The following INTS3 variants were observed in gnomAD, a reference collection of about 807,000 sequenced individuals.
INTS3 encodes SOSS complex subunit A.
A neutral mutation model predicts 146.3 loss-of-function variants in INTS3; 34 were observed. That is an observed-to-expected ratio of 0.23 (90% confidence interval 0.18 to 0.31). INTS3 has a LOEUF of 0.31. Among genes scored for constraint, INTS3 ranks in the 10% least tolerant of loss-of-function variants. INTS3 has a pLI of 1.00. For synonymous variants in INTS3, 475 were observed against 494.9 expected, an observed-to-expected ratio of 0.96 and a Z score of 0.53; for missense variants, 757 against 1,304.2, an observed-to-expected ratio of 0.58 and a Z score of 6.46.
At position 153,757,553 on chromosome 1, in the gene INTS3, T is replaced by C. The variant is rs1444126589; in HGVS notation, c.958-19T>C. 3 of 1,610,466 alleles carry C rather than the reference T, an allele frequency of 1.9e-6. No homozygotes were observed. The highest frequency in any genetic ancestry group is 2.5e-6 in the Non-Finnish European group (3 of 1,176,902). ...CACACTGTCTTCTAAGGTCTTTTTC[T>C]TGCTTCCCCTTTCCCCAGGTGCGAT... On this transcript the variant is annotated intron_variant, in intron 9 of 29. Transcript: ENST00000318967. This position sits in a 1 kb window ranked among gnomAD's most constrained non-coding sequence, Gnocchi z 4.0.
chr1:153,754,820 G>A, intron 9 of INTS3, 81 bp downstream of exon 9: 3 of 894,018 alleles, frequency 3.4e-6, no homozygotes, highest in Non-Finnish European at 1.9e-6. Flanking sequence ...TGTTACCATT[G>A]TTTACTAACC....
rs762947254 is a variant in INTS3, at chr1:153,769,012, G to GACAT, written c.2313+53_2313+56dup. ...AGAAGATCTGGGAGGCAGCATTAGG[G>GACAT]ACATAGGGCCTCTGCTCTCCCTCCA... On this transcript the variant is annotated intron_variant, in intron 22 of 29. Transcript: ENST00000318967. 4.2e-6 allele frequency: 6 copies of GACAT among 1,424,246 alleles called. No homozygotes were observed. In the South Asian group the frequency reaches 6.9e-5, roughly 16 times the overall value. The allele number at this position is 1,424,246 out of a possible 1,614,324, so 88.2% of individuals were successfully genotyped here. A position where few individuals can be genotyped will look rare whatever the true frequency, so the allele number is the denominator to read the frequency against.
In INTS3 at chr1:153,772,838, G is replaced by C. The variant is rs889635796; in HGVS notation, c.2895-87G>C. The C allele has an allele frequency of 3.8e-6, 6 of 1,594,236 alleles. No individual in the cohort carries two copies. Among genetic ancestry groups the C allele is most frequent in the Non-Finnish European group, 2.6e-6 (3 of 1,166,836 alleles). ...GGGTCCAGGGTTGAAGAAAAAGAAG[G>C]CCTAGGCCTGGGGGCAGAGAAGAGG... On this transcript the variant is annotated intron_variant, in intron 28 of 29. Coordinates refer to ENST00000318967, the MANE Select transcript of INTS3 (RefSeq NM_023015.5). This position sits in a 1 kb window ranked among gnomAD's most constrained non-coding sequence, Gnocchi z 4.6.
In INTS3 at chr1:153,773,635, A is replaced by C. The variant is rs768028532; in HGVS notation, c.*365A>C. On this transcript the variant is annotated 3_prime_UTR_variant, in exon 30 of 30. Transcript: ENST00000318967. ...CATTTCAACAGAGAAGGGAAATGAC[A>C]AAGGGGCAGCTGGCCAGATAAGCTA... The C allele has an allele frequency of 1.5e-5, 5 of 338,424 alleles. No individual in the cohort carries two copies. Among genetic ancestry groups the C allele is most frequent in the Admixed American group, 4.4e-5 (1 of 22,678 alleles). The allele number at this position is 338,424 out of a possible 1,614,324, so 21.0% of individuals were successfully genotyped here.
intron 1 of INTS3, among the ~76,000 whole-genome samples, chr1:153,739,890 G>A (rs1671456995): frequency 6.6e-6 from 1 of 151,544 alleles, no homozygotes. Flanking sequence ...TGCCTCCCGG[G>A]TTCAAGCAAT....
Position 153,754,862 on chromosome 1 carries a change from T to C in INTS3, c.957+123T>C, listed in dbSNP as rs1402457447. 3 of 705,340 alleles carry C rather than the reference T, an allele frequency of 4.3e-6. No homozygotes were observed. The South Asian group carries it at 4.8e-5, about 11-fold the overall frequency. The allele number at this position is 705,340 out of a possible 1,614,324, so 43.7% of individuals were successfully genotyped here. A position where few individuals can be genotyped will look rare whatever the true frequency, so the allele number is the denominator to read the frequency against. Reference sequence around the variant, plus strand: ...ATGGTGGCTAAATGATCGTACCTGATCTACCTGGCTACTGGCTTCTTTGTC... The same window carrying C: ...ATGGTGGCTAAATGATCGTACCTGACCTACCTGGCTACTGGCTTCTTTGTC... On this transcript the variant is annotated intron_variant, in intron 9 of 29. Transcript: ENST00000318967.
chr1:153,764,190 G>C lies in INTS3; in HGVS notation c.1894G>C (p.Gly632Arg). The stretch of plus-strand genomic sequence containing the variant: ...GGAGCTCTTCAAGGCCCACTTTCGA[G>C]GGGAGGTCCTGCCTGAGGAGATTAC... ...LQELFKAHFR[G>R]EVLPEEITEE... is the part of the protein sequence containing the mutation. Residue 632 changes from glycine (G) to arginine (R), a missense_variant, in exon 18 of 30, where the codon GGG (glycine) becomes CGG (arginine). This residue lies in a region of INTS3 where 89 missense variants were observed against 210.9 expected (regional missense o/e 0.42). Transcript: ENST00000318967. 6.2e-7 allele frequency: 1 copy of C among 1,613,926 alleles called. No individual in the cohort carries two copies. Among genetic ancestry groups the C allele is most frequent in the East Asian group, 2.2e-5 (1 of 44,894 alleles).
chr1:153,772,473 C>CGGT lies in INTS3; in HGVS notation c.2821+35_2821+37dup. On this transcript the variant is annotated intron_variant, in intron 27 of 29. Coordinates refer to ENST00000318967, the MANE Select transcript of INTS3 (RefSeq NM_023015.5). This position sits in a 1 kb window ranked among gnomAD's most constrained non-coding sequence, Gnocchi z 4.6. The stretch of plus-strand genomic sequence containing the variant: ...TTCCACCCTCGGCGTCCAGTGTAGA[C>CGGT]GGTGCTGCCCTGGCCCAGACTATGC... 3 of 1,613,934 alleles carry CGGT rather than the reference C, an allele frequency of 1.9e-6. No individual in the cohort carries two copies. The highest frequency in any genetic ancestry group is 2.5e-6 in the Non-Finnish European group (3 of 1,179,970).
In INTS3 at chr1:153,770,329, T is replaced by G; in HGVS notation, c.2503+18T>G. 7.0e-7 allele frequency: 1 copy of G among 1,435,506 alleles called. No homozygotes were observed. The highest frequency in any genetic ancestry group is 9.8e-7 in the Non-Finnish European group (1 of 1,017,124). 88.9% of individuals were successfully genotyped at this position (1,435,506 alleles called of 1,614,324 possible). On this transcript the variant is annotated intron_variant, in intron 24 of 29. Coordinates refer to ENST00000318967, the MANE Select transcript of INTS3 (RefSeq NM_023015.5). The stretch of plus-strand genomic sequence containing the variant: ...ATACAAGGGTGAGTAGGCTTTTGGG[T>G]AGGGAGCACATCAGATATGACACTT...
At chr1:153,742,155 T>A (rs1371354178) in intron 3 of INTS3, among the ~76,000 whole-genome samples, 1 of 152,172 alleles carries the variant, frequency 6.6e-6, no homozygotes, top group Non-Finnish European at 1.5e-5. Flanking sequence ...GGGAAACTGA[T>A]CTGTTTGTAC....
Position 153,773,742 on chromosome 1 carries a change from T to C in INTS3, c.*472T>C, listed in dbSNP as rs1673009673. 5.2e-6 allele frequency: 1 copy of C among 190,538 alleles called. No individual in the cohort carries two copies. Among genetic ancestry groups the C allele is most frequent in the African/African-American group, 2.4e-5 (1 of 42,278 alleles). 11.8% of individuals were successfully genotyped at this position (190,538 alleles called of 1,614,324 possible). A position where few individuals can be genotyped will look rare whatever the true frequency, so the allele number is the denominator to read the frequency against. ...TGGTTTGTTCTGAAGGGACGTTTTA[T>C]AGTCACTATCCACATGCCAGTGTGA... On this transcript the variant is annotated 3_prime_UTR_variant, in exon 30 of 30. Transcript: ENST00000318967.
chr1:153,769,663 C>T (rs1375914733), intron 22 of INTS3, 106 bp from the exon 23 acceptor site: 6 of 705,402 alleles, frequency 8.5e-6, no homozygotes, highest in Admixed American at 7.1e-5. Context: ...TTCACTTCCT[C>T]TAATTTTTTT....
At chr1:153,746,886 G>A (rs1671767331) in intron 3 of INTS3, 71 bp from the exon 4 acceptor site, 1 of 837,534 alleles carries the variant, frequency 1.2e-6, no homozygotes, top group Admixed American at 2.0e-5. Context: ...AGAGGGCAAG[G>A]GGTCCACTGT....
intron 18 of INTS3, 141 bp downstream of exon 18, chr1:153,764,362 A>G: frequency 1.5e-6 from 1 of 656,372 alleles, no homozygotes; most frequent in Middle Eastern, 2.5e-4. Context: ...CAACTCATTT[A>G]AACAAGAGCT....
chr1:153,756,897 C>T (rs562441366), intron 9 of INTS3, among the ~76,000 whole-genome samples: 1 of 152,246 alleles, frequency 6.6e-6, no homozygotes, highest in Admixed American at 6.5e-5. Context: ...CCATCATTGC[C>T]GAAAGTTCTG....
chr1:153,736,009 G>C (rs1336218731), intron 1 of INTS3, among the ~76,000 whole-genome samples: 1 of 152,186 alleles, frequency 6.6e-6, no homozygotes, highest in Non-Finnish European at 1.5e-5. Flanking sequence ...TGGGATTACA[G>C]GCGTGAGCCA....
intron 12 of INTS3, 55 bp from the exon 13 acceptor site, chr1:153,760,772 G>A (rs1285171864): frequency 1.8e-5 from 24 of 1,363,272 alleles, no homozygotes; most frequent in South Asian, 8.1e-5. Flanking sequence ...CTAATTCAGC[G>A]GAAGCCTCTG....
In INTS3 at chr1:153,739,585, C is replaced by T. The variant is rs550764800; in HGVS notation, c.151-1066C>T. Among the ~76,000 whole-genome samples, 441 of 152,170 alleles carry T rather than the reference C, an allele frequency of 2.9e-3. 2 individuals carry two copies. The highest frequency in any genetic ancestry group is 8.7e-3 in the African/African-American group (363 of 41,516). On this transcript the variant is annotated intron_variant, in intron 1 of 29. Coordinates refer to ENST00000318967, the MANE Select transcript of INTS3 (RefSeq NM_023015.5). ...CCCACCTCTGGTGATCCAACCCCCT[C>T]GGCCTCCCAAAGTGCTGGGATTACA...
chr1:153,754,543 C>A, intron 8 of INTS3, 99 bp from the exon 9 acceptor site: 1 of 835,190 alleles, frequency 1.2e-6, no homozygotes, highest in Non-Finnish European at 2.1e-6. Flanking sequence ...GTGAGCAAGA[C>A]TACTGGCCAT....
Sources: gnomAD v4.1 joint callset for allele counts (sites outside exome capture counted in the v4.1 genomes callset) on GRCh38, gnomAD v4.1.1 for gene constraint, gnomAD v4.1.1 regional missense constraint, Gnocchi (gnomAD v3.1) non-coding constraint, MANE v1.5 for transcripts, NCBI Gene and HGNC (gene_info 2026-07-23, HGNC 2026-07-21) for gene names.